The following RGS6 variants were observed in gnomAD, a reference collection of about 807,000 sequenced individuals.
RGS6 encodes the protein regulator of G-protein signaling 6.
Under a neutral mutation model 78.5 loss-of-function variants are expected in RGS6, and 30 were observed. The observed-to-expected ratio is 0.38, with a 90% CI of 0.29 to 0.52. RGS6 has a LOEUF of 0.52. Among genes scored for constraint, RGS6 ranks in the 20% least tolerant of loss-of-function variants. The probability of loss-of-function intolerance (pLI) is 0.85; values close to 1 mark genes in which losing one functional copy is unlikely to be tolerated. For missense variants in RGS6, 495 were observed against 609.7 expected (o/e 0.81, Z 1.98); for synonymous variants, 206 against 206.0 (o/e 1.00, Z 0.00).
At chr14:72,047,837 T>C (rs2153401046) in intron 2 of RGS6, among the ~76,000 whole-genome samples, 1 of 151,804 alleles carries the variant, frequency 6.6e-6, no homozygotes, top group East Asian at 1.9e-4. Context: ...GTGATTCTCA[T>C]GCCTCAGCCT....
chr14:72,131,517 T>C (rs758049009), intron 2 of RGS6, among the ~76,000 whole-genome samples: 4 of 152,228 alleles, frequency 2.6e-5, no homozygotes, highest in Non-Finnish European at 5.9e-5. Flanking sequence ...AACAGTAACC[T>C]TAATGGGATA....
intron 3 of RGS6, among the ~76,000 whole-genome samples, chr14:72,408,055 A>G (rs1286858631): frequency 6.6e-6 from 1 of 152,216 alleles, no homozygotes; most frequent in Non-Finnish European, 1.5e-5. Context: ...TGCTCCCAAA[A>G]AAGTTGTATT....
chr14:72,625,276 T>C, the RGS6 span, among the ~76,000 whole-genome samples: 2 of 152,198 alleles, frequency 1.3e-5, no homozygotes, highest in African/African-American at 2.4e-5. Context: ...TTTACTTATT[T>C]ATTCAATTTT....
chr14:72,114,314 T>A (rs1301352966), intron 2 of RGS6, among the ~76,000 whole-genome samples: 1 of 152,150 alleles, frequency 6.6e-6, no homozygotes, highest in Non-Finnish European at 1.5e-5. Context: ...AGATCCAGTC[T>A]CTCCCCTGCC....
chr14:72,294,967 G>C (rs1190824149), intron 2 of RGS6, among the ~76,000 whole-genome samples: 1 of 152,166 alleles, frequency 6.6e-6, no homozygotes, highest in African/African-American at 2.4e-5. Flanking sequence ...GAGGAAACTT[G>C]GTATGCTTTT....
intron 2 of RGS6, among the ~76,000 whole-genome samples, chr14:72,092,418 G>A (rs2095297132): frequency 1.3e-5 from 2 of 151,860 alleles, no homozygotes; most frequent in South Asian, 2.1e-4. Context: ...CTCTCGCTCT[G>A]TCATCCAGGC....
intron 2 of RGS6, among the ~76,000 whole-genome samples, chr14:72,259,462 C>T (rs1414607702): frequency 6.6e-6 from 1 of 152,068 alleles, no homozygotes; most frequent in African/African-American, 2.4e-5. Flanking sequence ...GTAGGCTCAG[C>T]AGTACGCTTC....
chr14:72,357,361 T>C (rs2080537548), intron 3 of RGS6, among the ~76,000 whole-genome samples: 1 of 151,706 alleles, frequency 6.6e-6, no homozygotes, highest in South Asian at 2.1e-4. Context: ...GACAAGAATA[T>C]GGGGGAAAGT....
At chr14:72,099,170 G>T (rs545080694) in intron 2 of RGS6, among the ~76,000 whole-genome samples, 80 of 152,020 alleles carry the variant, frequency 5.3e-4, no homozygotes, top group Middle Eastern at 3.4e-3. Context: ...CAGTTTTTTT[G>T]TTGTTTTTTG....
At chr14:71,956,357 G>GTA (rs10651401) in intron 1 of RGS6, among the ~76,000 whole-genome samples, 9,701 of 150,550 alleles carry the variant, frequency 0.064, 600 homozygotes, top group East Asian at 0.3. Context: ...GTGTGTGTGT[G>GTA]TATATTCTAT....
At chr14:72,194,935 A>C (rs1024543636) in intron 2 of RGS6, among the ~76,000 whole-genome samples, 8 of 152,060 alleles carry the variant, frequency 5.3e-5, no homozygotes, top group Non-Finnish European at 1.2e-4. Flanking sequence ...GGCTGGGTGC[A>C]GTGGCTCACA....
intron 3 of RGS6, among the ~76,000 whole-genome samples, chr14:72,365,052 C>T (rs1056581084): frequency 3.9e-5 from 6 of 152,110 alleles, no homozygotes; most frequent in African/African-American, 1.2e-4. Context: ...ATCCCAAAGG[C>T]GAAAAGAGAA....
intron 3 of RGS6, among the ~76,000 whole-genome samples, chr14:72,453,504 T>A (rs1342858865): frequency 2.1e-5 from 3 of 144,034 alleles, no homozygotes; most frequent in African/African-American, 7.9e-5. Flanking sequence ...TAGTCCCAGC[T>A]ACTTGGGAGG....
intron 2 of RGS6, among the ~76,000 whole-genome samples, chr14:72,338,212 TAA>T (rs140918887): frequency 0.022 from 3,395 of 152,276 alleles, 129 homozygotes; most frequent in African/African-American, 0.079. Flanking sequence ...ACAATGCTGA[TAA>T]AGACATACCC....
chr14:71,997,222 A>G (rs1048498135), intron 2 of RGS6, among the ~76,000 whole-genome samples: 1 of 152,156 alleles, frequency 6.6e-6, no homozygotes, highest in Non-Finnish European at 1.5e-5. Flanking sequence ...AATGATGCTC[A>G]GGCCTCCAGG....
the RGS6 span, among the ~76,000 whole-genome samples, chr14:72,577,971 G>A: frequency 6.6e-6 from 1 of 152,334 alleles, no homozygotes; most frequent in African/African-American, 2.4e-5. Flanking sequence ...CTGCATGAGT[G>A]GCTGGGGAAT....
chr14:72,019,281 A>G (rs918566065), intron 2 of RGS6, among the ~76,000 whole-genome samples: 2 of 152,174 alleles, frequency 1.3e-5, no homozygotes, highest in Non-Finnish European at 2.9e-5. Context: ...TACCTTTCCT[A>G]AAGGTAACTA....
intron 2 of RGS6, among the ~76,000 whole-genome samples, chr14:72,042,521 A>C (rs1054467102): frequency 6.6e-6 from 1 of 152,190 alleles, no homozygotes; most frequent in Non-Finnish European, 1.5e-5. Context: ...AATTACTGTT[A>C]ACATTTTATA....
At chr14:72,253,244 A>T (rs1289380506) in intron 2 of RGS6, among the ~76,000 whole-genome samples, 1 of 152,266 alleles carries the variant, frequency 6.6e-6, no homozygotes, top group East Asian at 1.9e-4. Context: ...CATAGGAAAT[A>T]GTCCTTCAGC....
Sources: allele counts gnomAD v4.1 joint callset (sites outside exome capture counted in the v4.1 genomes callset), GRCh38; gene constraint gnomAD v4.1.1; transcripts MANE v1.5; gene names NCBI Gene and HGNC (gene_info 2026-07-23, HGNC 2026-07-21).